Variants in XRCC4 observed in about 807,000 individuals in gnomAD.
XRCC4 encodes DNA repair protein XRCC4.
A neutral mutation model predicts 39.1 loss-of-function variants in XRCC4; 28 were observed. The ratio of observed to expected loss-of-function variants is 0.72; its 90% CI spans 0.53 to 0.98. The LOEUF (loss-of-function observed/expected upper bound fraction) is 0.98. XRCC4 is among the 50% of genes least tolerant of loss of function. The pLI is 0.00. For synonymous variants in XRCC4, 123 were observed against 126.4 expected (o/e 0.97, Z 0.18); for missense variants, 350 against 376.4 (o/e 0.93, Z 0.58).
intron 7 of XRCC4, among the ~76,000 whole-genome samples, chr5:83,325,330 G>T (rs940618372): frequency 6.6e-6 from 1 of 151,902 alleles, no homozygotes; most frequent in Non-Finnish European, 1.5e-5. Flanking sequence ...AAGTTCAGGG[G>T]TACATGTGCA....
chr5:83,313,825 C>T (rs1384073477), intron 7 of XRCC4, among the ~76,000 whole-genome samples: 1 of 152,030 alleles, frequency 6.6e-6, no homozygotes, highest in Non-Finnish European at 1.5e-5. Flanking sequence ...ATATAATTCC[C>T]TTTAAAATTT....
At chr5:83,162,039 T>G (rs1416867873) in intron 3 of XRCC4, among the ~76,000 whole-genome samples, 1 of 151,898 alleles carries the variant, frequency 6.6e-6, no homozygotes, top group East Asian at 1.9e-4. Context: ...TGGTGGCGGG[T>G]GCCTGTAGTC....
intron 7 of XRCC4, among the ~76,000 whole-genome samples, chr5:83,276,258 C>T (rs1317796340): frequency 1.3e-5 from 2 of 152,040 alleles, no homozygotes; most frequent in African/African-American, 4.8e-5. Context: ...ACAGAAAGTG[C>T]TCTGAGCATT....
At chr5:83,173,664 C>T (rs1394904707) in intron 3 of XRCC4, among the ~76,000 whole-genome samples, 1 of 152,090 alleles carries the variant, frequency 6.6e-6, no homozygotes, top group Non-Finnish European at 1.5e-5. Flanking sequence ...GGAATATAGC[C>T]ACTTTTGGCC....
At chr5:83,086,327 A>G (rs1419457786) in intron 1 of XRCC4, among the ~76,000 whole-genome samples, 2 of 152,162 alleles carry the variant, frequency 1.3e-5, no homozygotes, top group South Asian at 2.1e-4. Context: ...TTAACTACTA[A>G]TAGTTTATTG....
chr5:83,206,807 C>T (rs1486102716), intron 6 of XRCC4, among the ~76,000 whole-genome samples: 1 of 151,832 alleles, frequency 6.6e-6, no homozygotes, highest in Non-Finnish European at 1.5e-5. Context: ...GGATGGGATC[C>T]AAGGGACAAG....
intron 1 of XRCC4, among the ~76,000 whole-genome samples, chr5:83,098,791 G>A (rs899151430): frequency 6.6e-6 from 1 of 151,878 alleles, no homozygotes; most frequent in African/African-American, 2.4e-5. Context: ...TGGGGAGTGG[G>A]TATTCTGATA....
intron 7 of XRCC4, among the ~76,000 whole-genome samples, chr5:83,332,860 A>G (rs1756480838): frequency 6.6e-6 from 1 of 152,202 alleles, no homozygotes; most frequent in African/African-American, 2.4e-5. Context: ...AAGAGCATGG[A>G]GGAGACAGGC....
At chr5:83,194,633 A>G (rs565820574) in intron 3 of XRCC4, among the ~76,000 whole-genome samples, 2 of 152,320 alleles carry the variant, frequency 1.3e-5, no homozygotes, top group Admixed American at 6.5e-5. Context: ...GAAATTCACA[A>G]TCTAGGAGGC....
intron 3 of XRCC4, among the ~76,000 whole-genome samples, chr5:83,113,312 T>A (rs1211859178): frequency 6.6e-6 from 1 of 152,228 alleles, no homozygotes; most frequent in Non-Finnish European, 1.5e-5. Context: ...AGAGGCGGAC[T>A]CCCACAACCT....
intron 7 of XRCC4, among the ~76,000 whole-genome samples, chr5:83,328,777 T>C (rs1225379986): frequency 1.3e-5 from 2 of 152,010 alleles, no homozygotes; most frequent in African/African-American, 4.8e-5. Context: ...AAGCAAGATA[T>C]TAGCACTGGG....
chr5:83,236,500 G>A (rs187959377), intron 6 of XRCC4, among the ~76,000 whole-genome samples: 66 of 152,000 alleles, frequency 4.3e-4, no homozygotes, highest in African/African-American at 1.4e-3. Flanking sequence ...TGGGAAAATT[G>A]GATATCTATA....
chr5:83,098,436 G>T (rs2112345991), intron 1 of XRCC4, among the ~76,000 whole-genome samples: 1 of 152,100 alleles, frequency 6.6e-6, no homozygotes, highest in Middle Eastern at 3.4e-3. Flanking sequence ...AAAATTCCAG[G>T]AATACCTGGA....
intron 1 of XRCC4, among the ~76,000 whole-genome samples, chr5:83,098,921 G>A (rs1004057512): frequency 2.0e-5 from 3 of 152,108 alleles, no homozygotes; most frequent in Admixed American, 2.0e-4. Flanking sequence ...ATAGCCTAGT[G>A]TAGTTTCATA....
intron 7 of XRCC4, among the ~76,000 whole-genome samples, chr5:83,278,854 G>A (rs991251483): frequency 2.0e-5 from 3 of 150,932 alleles, no homozygotes; most frequent in African/African-American, 4.9e-5. Flanking sequence ...TGAGCGTGGC[G>A]ACGTGTGCCT....
intron 3 of XRCC4, among the ~76,000 whole-genome samples, chr5:83,148,877 A>G (rs1462241465): frequency 6.6e-6 from 1 of 152,096 alleles, no homozygotes; most frequent in Non-Finnish European, 1.5e-5. Flanking sequence ...AATAAAAAAT[A>G]GTAAAGAGAT....
intron 3 of XRCC4, among the ~76,000 whole-genome samples, chr5:83,142,042 T>A (rs1385130216): frequency 7.2e-5 from 11 of 152,360 alleles, no homozygotes; most frequent in Non-Finnish European, 4.4e-5. Context: ...TATTCAAAAC[T>A]GTTGTCTCCT....
chr5:83,264,635 C>G (rs552538109), intron 7 of XRCC4, among the ~76,000 whole-genome samples: 1 of 152,008 alleles, frequency 6.6e-6, no homozygotes, highest in Non-Finnish European at 1.5e-5. Context: ...AGATGACCAC[C>G]GTTGAGACCT....
intron 7 of XRCC4, among the ~76,000 whole-genome samples, chr5:83,336,994 G>A (rs1335074292): frequency 6.6e-6 from 1 of 152,124 alleles, no homozygotes; most frequent in African/African-American, 2.4e-5. Context: ...TCATTTCTGA[G>A]CCAAAAATAA....
Sources: allele counts gnomAD v4.1 joint callset (sites outside exome capture counted in the v4.1 genomes callset), GRCh38; gene constraint gnomAD v4.1.1; transcripts MANE v1.5; gene names NCBI Gene and HGNC (gene_info 2026-07-23, HGNC 2026-07-21).